Variants in CTNNA3 observed in about 807,000 individuals in gnomAD.
CTNNA3 encodes catenin alpha-3.
A neutral mutation model predicts 95.7 loss-of-function variants in CTNNA3; 76 were observed. The observed-to-expected ratio is 0.79, with a 90% CI of 0.66 to 0.96. The LOEUF (loss-of-function observed/expected upper bound fraction) is 0.96, where lower values mean the gene tolerates loss of function less well. CTNNA3 is among the 40% of genes least tolerant of loss of function. CTNNA3 has a pLI of 0.00. For missense variants in CTNNA3, 1,191 were observed against 1,089.8 expected, an observed-to-expected ratio of 1.09 and a Z score of -1.31; for synonymous variants, 431 against 374.4, an observed-to-expected ratio of 1.15 and a Z score of -1.74.
chr10:66,831,940 T>C (rs1183592015), intron 7 of CTNNA3, among the ~76,000 whole-genome samples: 9 of 152,102 alleles, frequency 5.9e-5, no homozygotes, highest in Non-Finnish European at 1.3e-4. Flanking sequence ...AGACAAGGAA[T>C]TCAATTGTAT....
At chr10:67,598,152 T>TG (rs1357705306) in intron 3 of CTNNA3, among the ~76,000 whole-genome samples, 1 of 152,026 alleles carries the variant, frequency 6.6e-6, no homozygotes, top group African/African-American at 2.4e-5. Context: ...TGGCAAGCCT[T>TG]GGGGGCTGGG....
chr10:67,194,612 A>T (rs1863265047), intron 6 of CTNNA3, among the ~76,000 whole-genome samples: 2 of 151,986 alleles, frequency 1.3e-5, no homozygotes, highest in Non-Finnish European at 2.9e-5. Context: ...AAGCAGTAAA[A>T]ATACTCTACA....
chr10:66,601,268 T>C (rs1843913144), intron 10 of CTNNA3, among the ~76,000 whole-genome samples: 1 of 151,814 alleles, frequency 6.6e-6, no homozygotes, highest in South Asian at 2.1e-4. Context: ...CGAGCAGAAA[T>C]TGAGAAATTG....
chr10:66,713,431 C>A (rs374685192), intron 9 of CTNNA3, among the ~76,000 whole-genome samples: 1 of 152,008 alleles, frequency 6.6e-6, no homozygotes, highest in East Asian at 1.9e-4. Flanking sequence ...CCTGGCAGGC[C>A]TTTTTTTGTT....
intron 15 of CTNNA3, among the ~76,000 whole-genome samples, chr10:66,064,307 G>A (rs930486106): frequency 3.3e-5 from 5 of 152,166 alleles, no homozygotes; most frequent in Non-Finnish European, 7.3e-5. Flanking sequence ...TGGGAATTAT[G>A]AGGATGATAA....
chr10:66,541,176 T>C lies in CTNNA3; in HGVS notation c.1375-20403A>G, dbSNP rs1463056478. 2.6e-5 allele frequency among the ~76,000 whole-genome samples: 4 copies of C among 152,088 alleles called. No homozygotes were observed. In the East Asian group the frequency reaches 7.7e-4, roughly 29 times the overall value. On this transcript the variant is annotated intron_variant, in intron 10 of 17. Coordinates refer to ENST00000433211, the MANE Select transcript of CTNNA3 (RefSeq NM_013266.4). ...TCCTTATTGTTATCCCCTGTTCAAA[T>C]CTCATCATTGTATAGGTGTGGCTTC... is the stretch of plus-strand genomic sequence containing the variant.
chr10:67,743,285 T>A (rs1223744958), intron 1 of CTNNA3, among the ~76,000 whole-genome samples: 1 of 150,896 alleles, frequency 6.6e-6, no homozygotes, highest in African/African-American at 2.4e-5. Context: ...CAGCAGCACA[T>A]CAAAAAGCTT....
intron 2 of CTNNA3, among the ~76,000 whole-genome samples, chr10:67,646,224 C>G (rs1189556352): frequency 6.7e-6 from 1 of 149,960 alleles, no homozygotes; most frequent in Non-Finnish European, 1.5e-5. Context: ...ACTATGTTGC[C>G]CAGGCTGGTC....
At chr10:66,326,705 G>T (rs140688726) in intron 12 of CTNNA3, among the ~76,000 whole-genome samples, 2 of 151,926 alleles carry the variant, frequency 1.3e-5, no homozygotes, top group African/African-American at 2.4e-5. Flanking sequence ...GTGTATTGGG[G>T]GTAGCGGGAG....
intron 16 of CTNNA3, among the ~76,000 whole-genome samples, chr10:65,970,298 T>C (rs1359702628): frequency 6.6e-6 from 1 of 152,020 alleles, no homozygotes; most frequent in Non-Finnish European, 1.5e-5. Context: ...GGGGAAAATA[T>C]AGAGCTGATA....
chr10:66,975,176 G>A (rs578019483), intron 7 of CTNNA3, among the ~76,000 whole-genome samples: 1 of 152,280 alleles, frequency 6.6e-6, no homozygotes, highest in South Asian at 2.1e-4. Flanking sequence ...ATGTGATTCT[G>A]CAATTGATAG....
intron 11 of CTNNA3, among the ~76,000 whole-genome samples, chr10:66,476,563 T>C (rs1366757845): frequency 1.3e-5 from 2 of 152,116 alleles, no homozygotes; most frequent in Non-Finnish European, 2.9e-5. Context: ...CATTAGTGTT[T>C]ATTTTTGTTA....
chr10:66,043,274 G>A (rs1381734588), intron 15 of CTNNA3, among the ~76,000 whole-genome samples: 1 of 152,112 alleles, frequency 6.6e-6, no homozygotes, highest in Non-Finnish European at 1.5e-5. Flanking sequence ...ATGTGACTTG[G>A]AAGTATATTG....
chr10:67,313,680 A>G (rs1464695184), intron 5 of CTNNA3, among the ~76,000 whole-genome samples: 1 of 152,216 alleles, frequency 6.6e-6, no homozygotes, highest in East Asian at 1.9e-4. Flanking sequence ...CTACAAAAGT[A>G]TAGGTGAGAG....
At chr10:66,170,934 G>T (rs890840049) in intron 13 of CTNNA3, among the ~76,000 whole-genome samples, 1 of 150,732 alleles carries the variant, frequency 6.6e-6, no homozygotes, top group Admixed American at 6.6e-5. Flanking sequence ...AGGAGTTTGA[G>T]ACCACCCCAG....
intron 10 of CTNNA3, among the ~76,000 whole-genome samples, chr10:66,548,136 C>T (rs1842095941): frequency 6.6e-6 from 1 of 152,066 alleles, no homozygotes; most frequent in Non-Finnish European, 1.5e-5. Context: ...AGGCTGGTCT[C>T]AAACTCCGAA....
chr10:67,159,232 T>C (rs189543331), intron 7 of CTNNA3, among the ~76,000 whole-genome samples: 5 of 152,336 alleles, frequency 3.3e-5, no homozygotes, highest in East Asian at 3.9e-4. Context: ...AACCCTTTCA[T>C]GTGAAATCCT....
intron 5 of CTNNA3, among the ~76,000 whole-genome samples, chr10:67,263,838 TACCCCTGGGA>T (rs1866712297): frequency 6.6e-6 from 1 of 152,054 alleles, no homozygotes; most frequent in Non-Finnish European, 1.5e-5. Context: ...AAAGGACACC[TACCCCTGGGA>T]ACGAGAACTT....
At chr10:67,590,755 C>T (rs1461233575) in intron 3 of CTNNA3, among the ~76,000 whole-genome samples, 9 of 152,020 alleles carry the variant, frequency 5.9e-5, no homozygotes, top group Non-Finnish European at 8.8e-5. Context: ...TGTGAAGGTT[C>T]GCTATATGTT....
Sources: gnomAD v4.1 joint callset for allele counts (sites outside exome capture counted in the v4.1 genomes callset) on GRCh38, gnomAD v4.1.1 for gene constraint, MANE v1.5 for transcripts, NCBI Gene and HGNC (gene_info 2026-07-23, HGNC 2026-07-21) for gene names.